Variants in SH3PXD2B observed in about 807,000 individuals in gnomAD.
SH3PXD2B encodes the protein SH3 and PX domain-containing protein 2B.
In SH3PXD2B, 37 loss-of-function variants were observed where a neutral mutation model predicts 73.1. That is an observed-to-expected ratio of 0.51 (90% CI 0.39 to 0.67). SH3PXD2B has a LOEUF of 0.67. Among genes scored for constraint, SH3PXD2B ranks in the 30% least tolerant of loss-of-function variants. The pLI is 0.00. For missense variants in SH3PXD2B, 1,053 were observed against 1,197.8 expected (o/e 0.88, Z 1.78); for synonymous variants, 457 against 480.5 (o/e 0.95, Z 0.64).
At chr5:172,365,191 C>G (rs529242480) in intron 6 of SH3PXD2B, among the ~76,000 whole-genome samples, 1 of 152,298 alleles carries the variant, frequency 6.6e-6, no homozygotes, top group South Asian at 2.1e-4. Context: ...ACAGAAGATG[C>G]AGGCTGATGG....
At chr5:172,400,165 G>C (rs531117683) in intron 3 of SH3PXD2B, among the ~76,000 whole-genome samples, 90 of 152,228 alleles carry the variant, frequency 5.9e-4, no homozygotes, top group African/African-American at 2.0e-3. Context: ...ACAAATGAAA[G>C]GGGGAGTACT....
intron 8 of SH3PXD2B, among the ~76,000 whole-genome samples, chr5:172,354,414 T>C (rs1757228120): frequency 1.3e-5 from 2 of 152,246 alleles, no homozygotes; most frequent in Admixed American, 1.3e-4. Flanking sequence ...GTGTGTCTGT[T>C]TCCTCTGCTG....
At chr5:172,366,330 C>T (rs548020708) in intron 6 of SH3PXD2B, among the ~76,000 whole-genome samples, 26 of 152,286 alleles carry the variant, frequency 1.7e-4, no homozygotes, top group African/African-American at 5.8e-4. Flanking sequence ...TCTGTCCTGC[C>T]CCTCCAGTCT....
At chr5:172,328,319 T>C (rs1240963148) in intron 12 of SH3PXD2B, among the ~76,000 whole-genome samples, 3 of 152,048 alleles carry the variant, frequency 2.0e-5, no homozygotes, top group African/African-American at 7.3e-5. Flanking sequence ...TTGGCCAGGC[T>C]GGTCTCGAAC....
intron 1 of SH3PXD2B, among the ~76,000 whole-genome samples, chr5:172,438,999 G>A (rs1001824598): frequency 3.3e-5 from 5 of 151,738 alleles, no homozygotes; most frequent in African/African-American, 9.7e-5. Context: ...AGCACTTTGG[G>A]AGGCCAAGGC....
chr5:172,396,071 G>A (rs2113402703), intron 3 of SH3PXD2B, among the ~76,000 whole-genome samples: 2 of 152,154 alleles, frequency 1.3e-5, no homozygotes, highest in Middle Eastern at 6.8e-3. Flanking sequence ...GTCTAGTAAG[G>A]ATTGGGCGTG....
Position 172,370,880 on chromosome 5 carries a change from T to C in SH3PXD2B, c.427+2910A>G, listed in dbSNP as rs189901192. ...GTGATATTGCAGCCAAGCTCTATAA[T>C]GCCATAATAATTGCAATCTCTAAAT... On this transcript the variant is annotated intron_variant, in intron 6 of 12. Coordinates refer to ENST00000311601, the MANE Select transcript of SH3PXD2B (RefSeq NM_001017995.3). Among the ~76,000 whole-genome samples the C allele has an allele frequency of 4.6e-5, 7 of 152,320 alleles. No individual in the cohort carries two copies. The East Asian group carries it at 1.2e-3, about 25-fold the overall frequency.
rs578129752 is a variant in SH3PXD2B at position 172,327,437 on chromosome 5, C to A, written c.1189-2057G>T. On this transcript the variant is annotated intron_variant, in intron 12 of 12. Transcript: ENST00000519643. ...ACAAAGTGGATTCCATGAATCCCAG[C>A]GGGTATATAAGACAAGCCACTGGGG... Among the ~76,000 whole-genome samples the A allele has an allele frequency of 1.1e-4, 16 of 152,212 alleles. No individual in the cohort carries two copies. In the South Asian group the frequency reaches 3.1e-3, roughly 30 times the overall value.
chr5:172,371,869 T>C (rs920451975), intron 6 of SH3PXD2B, among the ~76,000 whole-genome samples: 3 of 152,242 alleles, frequency 2.0e-5, no homozygotes, highest in Non-Finnish European at 4.4e-5. Context: ...TGGCAGCTCC[T>C]CTTCTCTCTG....
intron 5 of SH3PXD2B, among the ~76,000 whole-genome samples, chr5:172,374,304 G>A (rs981258277): frequency 2.0e-5 from 3 of 152,168 alleles, no homozygotes; most frequent in Admixed American, 1.3e-4. Context: ...AGTGGTGAGA[G>A]GGGACACTAC....
intron 2 of SH3PXD2B, among the ~76,000 whole-genome samples, chr5:172,422,097 C>A (rs1758977156): frequency 1.3e-5 from 2 of 151,822 alleles, no homozygotes; most frequent in Non-Finnish European, 2.9e-5. Flanking sequence ...CGGGTTCAAG[C>A]AATTCTCCTG....
At chr5:172,432,454 G>A (rs1759270011) in intron 1 of SH3PXD2B, among the ~76,000 whole-genome samples, 1 of 152,182 alleles carries the variant, frequency 6.6e-6, no homozygotes, top group Non-Finnish European at 1.5e-5. Flanking sequence ...TGAGGGGGGA[G>A]TGTCGCTCAT....
At chr5:172,428,775 G>A (rs1489652577) in intron 1 of SH3PXD2B, among the ~76,000 whole-genome samples, 1 of 152,108 alleles carries the variant, frequency 6.6e-6, no homozygotes, top group East Asian at 1.9e-4. Context: ...TCTTGACCTA[G>A]GTTCTAATTT....
intron 12 of SH3PXD2B, among the ~76,000 whole-genome samples, chr5:172,327,070 C>T (rs1024297088): frequency 1.2e-4 from 18 of 151,908 alleles, no homozygotes; most frequent in African/African-American, 4.1e-4. Context: ...ATGTTGGCCA[C>T]GCTGGTCTCG....
chr5:172,332,957 A>C (rs1266998319), downstream of SH3PXD2B, among the ~76,000 whole-genome samples: 1 of 142,122 alleles, frequency 7.0e-6, no homozygotes, highest in Non-Finnish European at 1.5e-5. Flanking sequence ...TTTTTTTGAG[A>C]CCGAGTCTCA....
intron 2 of SH3PXD2B, among the ~76,000 whole-genome samples, chr5:172,407,058 C>G (rs991450401): frequency 1.1e-4 from 16 of 152,162 alleles, no homozygotes; most frequent in African/African-American, 3.9e-4. Flanking sequence ...ATTTGGCATA[C>G]AAAATCACGA....
chr5:172,411,968 CT>C (rs1366391541), intron 2 of SH3PXD2B, among the ~76,000 whole-genome samples: 6 of 151,888 alleles, frequency 4.0e-5, no homozygotes, highest in South Asian at 2.1e-4. Context: ...TGACTCCCCC[CT>C]CTCCCTCCCC....
chr5:172,452,176 A>G (rs1328762241), intron 1 of SH3PXD2B, among the ~76,000 whole-genome samples: 4 of 152,152 alleles, frequency 2.6e-5, no homozygotes, highest in African/African-American at 9.7e-5. Context: ...CATTACACAG[A>G]TGAAAAAACT....
At chr5:172,381,629 C>T (rs756942014) in intron 5 of SH3PXD2B, among the ~76,000 whole-genome samples, 5 of 152,138 alleles carry the variant, frequency 3.3e-5, no homozygotes, top group South Asian at 2.1e-4. Context: ...CGTTGCTCAC[C>T]GGCAGTGGGG....
Sources: allele counts gnomAD v4.1 joint callset (sites outside exome capture counted in the v4.1 genomes callset), GRCh38; gene constraint gnomAD v4.1.1; transcripts MANE v1.5; gene names NCBI Gene and HGNC (gene_info 2026-07-23, HGNC 2026-07-21).